SMARCC1: variants seen among roughly 807,000 people sequenced by gnomAD.
SMARCC1 encodes SWI/SNF related BAF chromatin remodeling complex subunit C1.
SMARCC1 carries 43 observed loss-of-function variants against 147.4 expected under a neutral mutation model. The ratio of observed to expected loss-of-function variants is 0.29; its 90% CI spans 0.23 to 0.38. SMARCC1 has a LOEUF of 0.38. Ranked by LOEUF, SMARCC1 falls within the 10% of genes least tolerant of loss-of-function variation. The pLI is 1.00. For missense variants in SMARCC1, 1,119 were observed against 1,381.1 expected (o/e 0.81, Z 3.01); for synonymous variants, 495 against 484.4 (o/e 1.02, Z -0.29).
At chr3:47,693,137 C>T (rs2033810237) in intron 12 of SMARCC1, 104 bp downstream of exon 12, 2 of 768,332 alleles carry the variant, frequency 2.6e-6, no homozygotes, top group East Asian at 4.9e-5. Flanking sequence ...CCACTGCACT[C>T]CAGCCTGACC....
intron 2 of SMARCC1, among the ~76,000 whole-genome samples, chr3:47,761,947 T>A (rs1023453440): frequency 5.3e-5 from 8 of 151,962 alleles, no homozygotes; most frequent in Non-Finnish European, 1.0e-4. Context: ...TAGCTGGGAT[T>A]TTTTTTGTAT....
chr3:47,745,504 G>A (rs2034555007), intron 3 of SMARCC1, among the ~76,000 whole-genome samples: 1 of 152,114 alleles, frequency 6.6e-6, no homozygotes, highest in Non-Finnish European at 1.5e-5. Context: ...CTTGAGGCCA[G>A]GAGTTTGAGA....
chr3:47,708,089 T>TTCTTTTTC (rs2034035021), intron 9 of SMARCC1, among the ~76,000 whole-genome samples: 2 of 56,288 alleles, frequency 3.6e-5, no homozygotes, highest in South Asian at 8.8e-4. Flanking sequence ...TTTTCTTTTT[T>TTCTTTTTC]TTTTTTTTTT....
chr3:47,750,899 AT>A (rs113564707), intron 2 of SMARCC1, among the ~76,000 whole-genome samples: 85,655 of 144,324 alleles, frequency 0.59, 25,285 homozygotes, highest in East Asian at 0.71. Flanking sequence ...AGACAAAGTA[AT>A]TTTTTTTTTT....
chr3:47,769,958 G>T (rs897571732), intron 2 of SMARCC1, among the ~76,000 whole-genome samples: 1 of 152,156 alleles, frequency 6.6e-6, no homozygotes, highest in Non-Finnish European at 1.5e-5. Context: ...GGGCACGGTG[G>T]CTCACGCCTA....
At chr3:47,700,020 TTTCA>T (rs1351192093) in intron 11 of SMARCC1, among the ~76,000 whole-genome samples, 1 of 152,070 alleles carries the variant, frequency 6.6e-6, no homozygotes, top group Non-Finnish European at 1.5e-5. Flanking sequence ...TCTTCTACTT[TTTCA>T]TTATTTTTCA....
chr3:47,610,518 C>T (rs1001051083), intron 25 of SMARCC1, 191 bp from the exon 26 acceptor site: 1 of 627,950 alleles, frequency 1.6e-6, no homozygotes, highest in African/African-American at 1.8e-5. Context: ...ATTTGGACAT[C>T]TGTTACCATG....
chr3:47,620,395 G>A lies in SMARCC1; in HGVS notation c.2781+1812C>T, dbSNP rs186930257. Among the ~76,000 whole-genome samples the A allele has an allele frequency of 3.5e-4, 53 of 152,032 alleles. 1 individual carries two copies. Among genetic ancestry groups the A allele is most frequent in the Non-Finnish European group, 1.5e-5 (1 of 67,960 alleles). On this transcript the variant is annotated intron_variant, in intron 25 of 27. Transcript: ENST00000254480. ...GGAGAATGGCTTGAACCTGGGAGGT[G>A]GAGGTTGTGGTGAGCCGAGATCATG...
At chr3:47,656,056 C>T (rs752410905) in intron 21 of SMARCC1, among the ~76,000 whole-genome samples, 3 of 151,952 alleles carry the variant, frequency 2.0e-5, no homozygotes. Flanking sequence ...ACTAAAAATG[C>T]AAAAATTAGC....
chr3:47,671,853 T>C (rs771553531), intron 18 of SMARCC1, among the ~76,000 whole-genome samples: 7 of 152,188 alleles, frequency 4.6e-5, no homozygotes, highest in Non-Finnish European at 8.8e-5. Context: ...TTCCTGTATA[T>C]GTCAATAAAG....
chr3:47,705,241 C>G (rs2033977030), intron 10 of SMARCC1, among the ~76,000 whole-genome samples: 1 of 145,962 alleles, frequency 6.9e-6, no homozygotes, highest in Non-Finnish European at 1.5e-5. Flanking sequence ...AGGACAATCG[C>G]TTGAACATGG....
chr3:47,646,695 C>T (rs2033124693), intron 21 of SMARCC1, among the ~76,000 whole-genome samples: 1 of 152,168 alleles, frequency 6.6e-6, no homozygotes, highest in Non-Finnish European at 1.5e-5. Context: ...ATTTTCTGCA[C>T]TTCATTTGTA....
chr3:47,682,875 G>A (rs1305595228), intron 14 of SMARCC1, among the ~76,000 whole-genome samples: 1 of 152,102 alleles, frequency 6.6e-6, no homozygotes. Flanking sequence ...AATTCTGAAT[G>A]TTAAACACAT....
At chr3:47,755,114 G>C (rs2034680055) in intron 2 of SMARCC1, among the ~76,000 whole-genome samples, 1 of 152,068 alleles carries the variant, frequency 6.6e-6, no homozygotes, top group South Asian at 2.1e-4. Flanking sequence ...GCGAGGCCGA[G>C]GCAGGAAAAC....
chr3:47,623,189 A>C (rs1271790572), intron 24 of SMARCC1, among the ~76,000 whole-genome samples: 12 of 150,516 alleles, frequency 8.0e-5, no homozygotes, highest in African/African-American at 2.0e-4. Flanking sequence ...AAAAAAAAAA[A>C]AAACCTATGT....
rs1004136537 is a variant in SMARCC1, at chr3:47,775,181, G to C, written c.196-2245C>G. 1.1e-4 allele frequency among the ~76,000 whole-genome samples: 10 copies of C among 95,042 alleles called. No homozygotes were observed. In the Admixed American group the frequency reaches 1.2e-3, roughly 11 times the overall value. The allele number at this position is 95,042 out of a possible 152,430, so 62.4% of individuals were successfully genotyped here. On this transcript the variant is annotated intron_variant, in intron 1 of 27. Coordinates refer to ENST00000254480, the MANE Select transcript of SMARCC1 (RefSeq NM_003074.4). ...ACATAGTACTTTTTTTTTTTTTTTT[G>C]AGACAGTCTCACTCTGTTGCCCAGG...
chr3:47,703,402 T>G (rs1219141304), intron 10 of SMARCC1, among the ~76,000 whole-genome samples: 1 of 152,222 alleles, frequency 6.6e-6, no homozygotes, highest in Non-Finnish European at 1.5e-5. Context: ...ATTATTTTTA[T>G]TCATTTATTC....
chr3:47,597,020 TAAA>T (rs2032294904), intron 26 of SMARCC1, among the ~76,000 whole-genome samples: 1 of 150,646 alleles, frequency 6.6e-6, no homozygotes, highest in South Asian at 2.1e-4. Flanking sequence ...ATGATGAAAA[TAAA>T]AAAATTAGCC....
intron 14 of SMARCC1, among the ~76,000 whole-genome samples, chr3:47,684,926 C>A (rs554864610): frequency 1.3e-5 from 2 of 152,004 alleles, no homozygotes; most frequent in African/African-American, 4.8e-5. Flanking sequence ...TTAACAAAAA[C>A]CAATAATAAA....
Sources: gnomAD v4.1 joint callset for allele counts (sites outside exome capture counted in the v4.1 genomes callset) on GRCh38, gnomAD v4.1.1 for gene constraint, MANE v1.5 for transcripts, NCBI Gene and HGNC (gene_info 2026-07-23, HGNC 2026-07-21) for gene names.